ATP8A2: variants seen among roughly 807,000 people sequenced by gnomAD.
The protein encoded by ATP8A2 is phospholipid-transporting ATPase IB.
ATP8A2 carries 100 observed loss-of-function variants against 165.6 expected under a neutral mutation model. The ratio of observed to expected loss-of-function variants is 0.60; its 90% CI spans 0.51 to 0.71. ATP8A2 has a LOEUF of 0.71. Among genes scored for constraint, ATP8A2 ranks in the 30% least tolerant of loss-of-function variants. The probability of loss-of-function intolerance (pLI) is 0.00; values close to 1 mark genes in which losing one functional copy is unlikely to be tolerated. For missense variants in ATP8A2, 1,227 were observed against 1,479.5 expected (o/e 0.83, Z 2.80); for synonymous variants, 543 against 548.8 (o/e 0.99, Z 0.15).
chr13:25,899,396 A>G (rs1953667639), intron 33 of ATP8A2, among the ~76,000 whole-genome samples: 1 of 152,224 alleles, frequency 6.6e-6, no homozygotes, highest in African/African-American at 2.4e-5. Context: ...TTGAGAATAT[A>G]GAACCTGATT....
At chr13:25,798,494 A>G (rs1201793815) in intron 27 of ATP8A2, among the ~76,000 whole-genome samples, 3 of 151,142 alleles carry the variant, frequency 2.0e-5, no homozygotes, top group Admixed American at 1.3e-4. Context: ...AAGTACAGAT[A>G]TATCTTCTTA....
chr13:25,898,231 T>A (rs1269345531), intron 33 of ATP8A2, among the ~76,000 whole-genome samples: 1 of 152,216 alleles, frequency 6.6e-6, no homozygotes, highest in Non-Finnish European at 1.5e-5. Flanking sequence ...TATTTGTTAG[T>A]TTTCCTTCTA....
Position 26,020,092 on chromosome 13 carries a change from A to G in ATP8A2, c.*107A>G, listed in dbSNP as rs1465571039. On this transcript the variant is annotated 3_prime_UTR_variant, in exon 37 of 37. Transcript: ENST00000381655. The stretch of plus-strand genomic sequence containing the variant: ...TGGCGTCAGCAGCCAAAACACCAGG[A>G]AACACATTTCTGTGGCCTTAGCCAA... The G allele has an allele frequency of 3.7e-6, 3 of 801,792 alleles. No individual in the cohort carries two copies. The highest frequency in any genetic ancestry group is 6.2e-6 in the Non-Finnish European group (3 of 484,326). The allele number at this position is 801,792 out of a possible 1,614,324, so 49.7% of individuals were successfully genotyped here. A position where few individuals can be genotyped will look rare whatever the true frequency, so the allele number is the denominator to read the frequency against.
At chr13:25,510,566 C>G (rs2037193240) in intron 2 of ATP8A2, among the ~76,000 whole-genome samples, 2 of 152,230 alleles carry the variant, frequency 1.3e-5, no homozygotes, top group Non-Finnish European at 2.9e-5. Context: ...ATGTTGCACT[C>G]TGAGTGCTGT....
intron 36 of ATP8A2, among the ~76,000 whole-genome samples, chr13:26,015,194 T>G (rs1956941129): frequency 6.6e-6 from 1 of 152,198 alleles, no homozygotes; most frequent in South Asian, 2.1e-4. Context: ...ACACCACATT[T>G]TTTAAACATT....
At chr13:25,489,597 GCA>G (rs1319727428) in intron 2 of ATP8A2, among the ~76,000 whole-genome samples, 36 of 152,292 alleles carry the variant, frequency 2.4e-4, no homozygotes, top group African/African-American at 8.4e-4. Flanking sequence ...CCAGCACGAC[GCA>G]CAGTTCCTGC....
intron 24 of ATP8A2, among the ~76,000 whole-genome samples, chr13:25,603,998 G>C (rs2040454610): frequency 1.3e-5 from 2 of 151,942 alleles, no homozygotes; most frequent in Admixed American, 6.6e-5. Flanking sequence ...CACCAGGATT[G>C]ATAAGAGATA....
intron 25 of ATP8A2, among the ~76,000 whole-genome samples, chr13:25,723,078 T>C (rs986302120): frequency 2.0e-5 from 3 of 152,260 alleles, no homozygotes; most frequent in Non-Finnish European, 2.9e-5. Context: ...TTTATTATTC[T>C]CCTGGTGATA....
chr13:25,443,024 A>T (rs566153876), intron 1 of ATP8A2, among the ~76,000 whole-genome samples: 1 of 152,306 alleles, frequency 6.6e-6, no homozygotes, highest in African/African-American at 2.4e-5. Context: ...TAGTATTAAT[A>T]GTTGCACAAT....
chr13:25,727,367 GA>G, intron 25 of ATP8A2, among the ~76,000 whole-genome samples: 1 of 152,178 alleles, frequency 6.6e-6, no homozygotes, highest in Admixed American at 6.5e-5. Flanking sequence ...GGCCAACCAG[GA>G]AAGTGATTTT....
intron 25 of ATP8A2, among the ~76,000 whole-genome samples, chr13:25,707,191 G>A (rs1049755964): frequency 1.3e-5 from 2 of 152,046 alleles, no homozygotes; most frequent in Non-Finnish European, 2.9e-5. Context: ...GTAGGAAAAG[G>A]AAACCATTTC....
chr13:25,448,839 A>T (rs1317425957), intron 1 of ATP8A2, among the ~76,000 whole-genome samples: 1 of 152,052 alleles, frequency 6.6e-6, no homozygotes, highest in East Asian at 1.9e-4. Context: ...TTTAATTTTT[A>T]TTTTTAGTAG....
intron 1 of ATP8A2, among the ~76,000 whole-genome samples, chr13:25,379,764 G>A (rs940159201): frequency 1.3e-5 from 2 of 152,150 alleles, no homozygotes; most frequent in African/African-American, 4.8e-5. Context: ...TTTCTGCTAC[G>A]TCCCCTGCCC....
chr13:25,595,739 A>G (rs536423440), intron 24 of ATP8A2, among the ~76,000 whole-genome samples: 5 of 152,198 alleles, frequency 3.3e-5, no homozygotes, highest in Admixed American at 2.6e-4. Context: ...CACCCTACTA[A>G]TCGTACAGAA....
rs61947345 is a variant in ATP8A2 at position 25,740,355 on chromosome 13, A to C, written c.2385-28691A>C. Among the ~76,000 whole-genome samples the C allele has an allele frequency of 5.1e-3, 780 of 151,950 alleles. 4 individuals carry two copies. The highest frequency in any genetic ancestry group is 0.014 in the South Asian group (65 of 4,804). On this transcript the variant is annotated intron_variant, in intron 25 of 36. Transcript: ENST00000381655. ...GAGAAAGACATGATTATTTTTGCAG[A>C]AGGATGAACAGCAGTGTTTATTTTT...
intron 27 of ATP8A2, among the ~76,000 whole-genome samples, chr13:25,789,566 G>C (rs2045115019): frequency 6.6e-6 from 1 of 152,110 alleles, no homozygotes. Context: ...ACAAAACGCT[G>C]CTCAAAAAAA....
chr13:25,777,657 TA>T (rs1012267124), intron 27 of ATP8A2, among the ~76,000 whole-genome samples: 1 of 151,398 alleles, frequency 6.6e-6, no homozygotes. Context: ...TTTGGCAAAT[TA>T]AAAAAAAATA....
chr13:25,541,193 A>C (rs555025776), intron 8 of ATP8A2, among the ~76,000 whole-genome samples: 1 of 152,310 alleles, frequency 6.6e-6, no homozygotes, highest in South Asian at 2.1e-4. Flanking sequence ...TTAACATATA[A>C]AAATTTTAAG....
chr13:25,872,649 C>T (rs374661938), intron 33 of ATP8A2, among the ~76,000 whole-genome samples: 1 of 152,154 alleles, frequency 6.6e-6, no homozygotes, highest in East Asian at 1.9e-4. Context: ...AGGAGCTTTT[C>T]TAAGCGAGGC....
Sources: gnomAD v4.1 joint callset for allele counts (sites outside exome capture counted in the v4.1 genomes callset) on GRCh38, gnomAD v4.1.1 for gene constraint, MANE v1.5 for transcripts, NCBI Gene and HGNC (gene_info 2026-07-23, HGNC 2026-07-21) for gene names.